MYO16: variants seen among roughly 807,000 people sequenced by gnomAD.
The protein encoded by MYO16 is myosin XVI.
In MYO16, 94 loss-of-function variants were observed where a neutral mutation model predicts 205.3. The observed-to-expected ratio is 0.46, with a 90% CI of 0.39 to 0.54. The LOEUF is 0.54. Ranked by LOEUF, MYO16 falls within the 20% of genes least tolerant of loss-of-function variation. MYO16 has a pLI of 0.00. For synonymous variants in MYO16, 988 were observed against 954.0 expected (o/e 1.04, Z -0.66); for missense variants, 2,315 against 2,387.5 (o/e 0.97, Z 0.63).
chr13:109,031,595 T>G (rs566085196), intron 23 of MYO16, among the ~76,000 whole-genome samples: 30 of 152,298 alleles, frequency 2.0e-4, no homozygotes, highest in African/African-American at 7.0e-4. Flanking sequence ...TAAATTTTGC[T>G]TTCTCTCTTC....
At chr13:109,054,561 T>G (rs1166137824) in intron 25 of MYO16, among the ~76,000 whole-genome samples, 1 of 152,102 alleles carries the variant, frequency 6.6e-6, no homozygotes, top group African/African-American at 2.4e-5. Context: ...GATCGTGAGT[T>G]TATTGTACCA....
intron 2 of MYO16, among the ~76,000 whole-genome samples, chr13:108,679,024 C>T (rs1460547138): frequency 6.6e-6 from 1 of 152,092 alleles, no homozygotes; most frequent in Non-Finnish European, 1.5e-5. Flanking sequence ...AAGCATGAAT[C>T]CCATTGATGA....
At chr13:109,149,207 G>A (rs1877512296) in intron 32 of MYO16, among the ~76,000 whole-genome samples, 1 of 152,198 alleles carries the variant, frequency 6.6e-6, no homozygotes, top group South Asian at 2.1e-4. Flanking sequence ...GCTTCTAGGT[G>A]CATACGTATA....
At chr13:108,510,438 TTTTATATTTAACATTGATAGCTG>T in the MYO16 span, among the ~76,000 whole-genome samples, 8 of 137,462 alleles carry the variant, frequency 5.8e-5, no homozygotes, top group Non-Finnish European at 1.3e-4. Context: ...TTTTTTTTTT[TTTTATATTTAACATTGATAGCTG>T]TTTTTTTTTT....
At chr13:108,617,013 G>C (rs1037783150) in intron 1 of MYO16, among the ~76,000 whole-genome samples, 1 of 152,088 alleles carries the variant, frequency 6.6e-6, no homozygotes, top group African/African-American at 2.4e-5. Context: ...CCATCTCAGT[G>C]TCCTCTCTCA....
At chr13:108,543,620 C>A in the MYO16 span, among the ~76,000 whole-genome samples, 1 of 130,478 alleles carries the variant, frequency 7.7e-6, no homozygotes, top group South Asian at 2.4e-4. Context: ...CCAGCCTGGG[C>A]GACAGAGCGA....
intron 1 of MYO16, among the ~76,000 whole-genome samples, chr13:108,619,514 G>A (rs1879463001): frequency 6.6e-6 from 1 of 152,082 alleles, no homozygotes; most frequent in African/African-American, 2.4e-5. Context: ...ATACTCGAGG[G>A]TGTAAAAGTA....
Position 108,888,489 on chromosome 13 carries a change from G to C in MYO16, c.1659+12G>C. On this transcript the variant is annotated intron_variant, in intron 14 of 34. Transcript: ENST00000457511. ...CCAGATTCAAACATGTAAGTTTTTTGTTTGGGTTGGCAAATATGTGAATGA... is the reference window on the plus strand; with the variant it reads ...CCAGATTCAAACATGTAAGTTTTTTCTTTGGGTTGGCAAATATGTGAATGA... The C allele has an allele frequency of 6.3e-7, 1 of 1,576,206 alleles. No individual in the cohort carries two copies. Among genetic ancestry groups the C allele is most frequent in the South Asian group, 1.2e-5 (1 of 86,010 alleles).
chr13:109,017,522 G>A lies in MYO16; in HGVS notation c.2596-2189G>A, dbSNP rs140466867. ...TTTGAATGTTGGCCTGCCTTGCTCG[G>A]TTGGGGAAGTTCTCCTGGATATCCT... On this transcript the variant is annotated intron_variant, in intron 22 of 34. Coordinates refer to ENST00000457511, the MANE Select transcript of MYO16 (RefSeq NM_001198950.3). Among the ~76,000 whole-genome samples, 585 of 152,220 alleles carry A rather than the reference G, an allele frequency of 3.8e-3. 2 individuals are homozygous for A. The highest frequency in any genetic ancestry group is 0.013 in the African/African-American group (558 of 41,526).
intron 21 of MYO16, among the ~76,000 whole-genome samples, chr13:108,997,383 A>AAAG (rs1885058485): frequency 1.4e-5 from 1 of 70,424 alleles, no homozygotes. Flanking sequence ...AGAGAGAGAG[A>AAAG]GAGAGAGGGA....
At chr13:109,126,569 G>A (rs993024128) in intron 30 of MYO16, among the ~76,000 whole-genome samples, 1 of 151,972 alleles carries the variant, frequency 6.6e-6, no homozygotes, top group African/African-American at 2.4e-5. Flanking sequence ...GGAACTAAAC[G>A]GCCACCCCAA....
chr13:109,101,969 T>C (rs1157798400), intron 28 of MYO16: 1 of 152,164 alleles, frequency 6.6e-6, no homozygotes, highest in Non-Finnish European at 1.5e-5. Flanking sequence ...GAGGGAAGAC[T>C]GGATTGACAC....
At chr13:109,075,541 A>G (rs534504594) in intron 27 of MYO16, among the ~76,000 whole-genome samples, 1 of 151,692 alleles carries the variant, frequency 6.6e-6, no homozygotes, top group African/African-American at 2.4e-5. Context: ...AGGTGTGGCT[A>G]ATTTTTGTAT....
At position 109,154,351 on chromosome 13, in the gene MYO16, T is replaced by G. The variant is rs1877869255; in HGVS notation, c.5165-10550T>G. 2.6e-5 allele frequency among the ~76,000 whole-genome samples: 4 copies of G among 152,150 alleles called. No individual in the cohort carries two copies. In the South Asian group the frequency reaches 8.3e-4, roughly 32 times the overall value. ...TGGCCCGGGCCTGCCACGTTTCTCC[T>G]TGGTGAAATGTTGACACAGCAAAAT... On this transcript the variant is annotated intron_variant, in intron 32 of 34. Coordinates refer to ENST00000457511, the MANE Select transcript of MYO16 (RefSeq NM_001198950.3).
At chr13:108,973,785 G>T (rs949009173) in intron 20 of MYO16, among the ~76,000 whole-genome samples, 1 of 152,170 alleles carries the variant, frequency 6.6e-6, no homozygotes, top group Non-Finnish European at 1.5e-5. Context: ...TGAACATAGA[G>T]AATCGGCACT....
chr13:108,727,662 CA>C, intron 4 of MYO16, 79 bp downstream of exon 4: 1 of 1,479,740 alleles, frequency 6.8e-7, no homozygotes, highest in Non-Finnish European at 9.1e-7. Context: ...TGCTATTTTA[CA>C]ATATGTAATA....
intron 1 of MYO16, among the ~76,000 whole-genome samples, chr13:108,607,395 A>G (rs1452330634): frequency 6.6e-6 from 1 of 152,126 alleles, no homozygotes; most frequent in Non-Finnish European, 1.5e-5. Flanking sequence ...TGATTAGATC[A>G]TGGGGGTGGT....
At chr13:108,976,967 TG>T (rs1380687174) in intron 20 of MYO16, among the ~76,000 whole-genome samples, 9 of 152,182 alleles carry the variant, frequency 5.9e-5, no homozygotes, top group South Asian at 2.1e-4. Context: ...AGATTCCTTT[TG>T]TTTTCCTGTA....
At chr13:108,706,338 G>T (rs578069269) in intron 2 of MYO16, among the ~76,000 whole-genome samples, 1 of 152,106 alleles carries the variant, frequency 6.6e-6, no homozygotes, top group African/African-American at 2.4e-5. Context: ...AGAAAGCAAA[G>T]AAAGGCCTAA....
Sources: allele counts gnomAD v4.1 joint callset (sites outside exome capture counted in the v4.1 genomes callset), GRCh38; gene constraint gnomAD v4.1.1; transcripts MANE v1.5; gene names NCBI Gene and HGNC (gene_info 2026-07-23, HGNC 2026-07-21).